Variants in ERC1 observed in about 807,000 individuals in gnomAD.
ERC1 encodes the protein ELKS/RAB6-interacting/CAST family member 1, also known as RAB6 interacting protein 2.
ERC1 carries 56 observed loss-of-function variants against 132.0 expected under a neutral mutation model. The ratio of observed to expected loss-of-function variants is 0.42; its 90% CI spans 0.34 to 0.53. The LOEUF (loss-of-function observed/expected upper bound fraction) is 0.53, where lower values mean the gene tolerates loss of function less well. Ranked by LOEUF, ERC1 falls within the 20% of genes least tolerant of loss-of-function variation. ERC1 has a pLI of 0.03. For synonymous variants in ERC1, 478 were observed against 476.1 expected, an observed-to-expected ratio of 1.00 and a Z score of -0.05; for missense variants, 1,202 against 1,349.9, an observed-to-expected ratio of 0.89 and a Z score of 1.72.
At chr12:1,052,136 G>C (rs1972129638) in intron 2 of ERC1, among the ~76,000 whole-genome samples, 2 of 152,200 alleles carry the variant, frequency 1.3e-5, no homozygotes, top group Admixed American at 1.3e-4. Context: ...AGATTGCTGG[G>C]ACTCATCCTC....
At chr12:1,073,765 A>G (rs913560103) in intron 2 of ERC1, among the ~76,000 whole-genome samples, 10 of 152,250 alleles carry the variant, frequency 6.6e-5, no homozygotes, top group Non-Finnish European at 1.5e-4. Context: ...ACACTTTTAT[A>G]TGACTGTCAA....
chr12:1,205,629 A>G (rs1957292259), intron 12 of ERC1, among the ~76,000 whole-genome samples: 1 of 152,138 alleles, frequency 6.6e-6, no homozygotes, highest in Non-Finnish European at 1.5e-5. Context: ...TAGCAAACAC[A>G]AATACTGCAT....
chr12:1,275,061 AC>A (rs2078168484), intron 14 of ERC1, among the ~76,000 whole-genome samples: 1 of 152,200 alleles, frequency 6.6e-6, no homozygotes, highest in Admixed American at 6.5e-5. Context: ...GTGGCATGAA[AC>A]TGGAGAGGTA....
chr12:1,370,518 TG>T (rs1168273116), intron 15 of ERC1, among the ~76,000 whole-genome samples: 1 of 152,240 alleles, frequency 6.6e-6, no homozygotes, highest in Non-Finnish European at 1.5e-5. Flanking sequence ...ATGTCTTCAG[TG>T]TCAGTAATGC....
chr12:1,407,605 A>G (rs2091586221), intron 16 of ERC1, among the ~76,000 whole-genome samples: 1 of 152,026 alleles, frequency 6.6e-6, no homozygotes, highest in Non-Finnish European at 1.5e-5. Flanking sequence ...AAATTTCTGT[A>G]TCAATTTAAT....
At chr12:1,290,539 A>G (rs2079372245) in intron 15 of ERC1, among the ~76,000 whole-genome samples, 1 of 152,144 alleles carries the variant, frequency 6.6e-6, no homozygotes, top group South Asian at 2.1e-4. Flanking sequence ...CTTCCCCCAC[A>G]TTTTGTAGGT....
intron 2 of ERC1, among the ~76,000 whole-genome samples, chr12:1,072,449 A>G (rs911811680): frequency 6.7e-6 from 1 of 148,768 alleles, no homozygotes; most frequent in African/African-American, 2.4e-5. Flanking sequence ...TAATTTCTCA[A>G]AAATTTTCTT....
intron 18 of ERC1, among the ~76,000 whole-genome samples, chr12:1,447,773 C>A (rs1445613166): frequency 6.6e-6 from 1 of 151,920 alleles, no homozygotes; most frequent in African/African-American, 2.4e-5. Flanking sequence ...CCTCAGCCTC[C>A]CGAACAGTTG....
chr12:1,276,800 G>T (rs2078306082), intron 14 of ERC1, among the ~76,000 whole-genome samples: 1 of 152,110 alleles, frequency 6.6e-6, no homozygotes, highest in South Asian at 2.1e-4. Flanking sequence ...ATTTTGTCCT[G>T]ACTTAATGTT....
chr12:1,344,340 C>G (rs1174120851), intron 15 of ERC1, among the ~76,000 whole-genome samples: 1 of 151,984 alleles, frequency 6.6e-6, no homozygotes, highest in Non-Finnish European at 1.5e-5. Flanking sequence ...GCAGTAGATT[C>G]CGTCAGCATC....
At chr12:1,370,589 A>T (rs1253189802) in intron 15 of ERC1, among the ~76,000 whole-genome samples, 1 of 152,280 alleles carries the variant, frequency 6.6e-6, no homozygotes, top group Non-Finnish European at 1.5e-5. Context: ...TGGATAAAGT[A>T]TGTAAGTTAC....
intron 11 of ERC1, among the ~76,000 whole-genome samples, chr12:1,187,204 A>T (rs1166681263): frequency 6.6e-6 from 1 of 152,094 alleles, no homozygotes; most frequent in Non-Finnish European, 1.5e-5. Context: ...AGTTTGTATT[A>T]TAATTTATAA....
intron 18 of ERC1, among the ~76,000 whole-genome samples, chr12:1,457,355 A>G (rs758835351): frequency 6.6e-6 from 1 of 152,118 alleles, no homozygotes; most frequent in Admixed American, 6.5e-5. Flanking sequence ...TTCCTCCCTC[A>G]TGGGTCCTCA....
At chr12:1,167,039 C>T (rs937042815) in intron 8 of ERC1, among the ~76,000 whole-genome samples, 5 of 152,108 alleles carry the variant, frequency 3.3e-5, no homozygotes, top group Non-Finnish European at 4.4e-5. Context: ...GTTGTTAATA[C>T]GCCACATTAA....
chr12:1,144,695 T>C (rs938143649), intron 8 of ERC1, among the ~76,000 whole-genome samples: 2 of 150,810 alleles, frequency 1.3e-5, no homozygotes, highest in African/African-American at 2.4e-5. Context: ...CACTTGTTGA[T>C]TGGTGGGCAT....
chr12:1,428,575 A>G (rs986467367), intron 17 of ERC1, among the ~76,000 whole-genome samples: 1 of 152,110 alleles, frequency 6.6e-6, no homozygotes, highest in Non-Finnish European at 1.5e-5. Flanking sequence ...CCAGTTTTGG[A>G]AGACAGGCCT....
At chr12:1,485,417 C>G (rs184586146) in intron 18 of ERC1, among the ~76,000 whole-genome samples, 13 of 151,964 alleles carry the variant, frequency 8.6e-5, no homozygotes, top group African/African-American at 2.9e-4. Context: ...ATTGGCCAGG[C>G]TGGTCTTGAA....
At chr12:1,280,061 G>C (rs2078572007) in intron 14 of ERC1, among the ~76,000 whole-genome samples, 1 of 152,124 alleles carries the variant, frequency 6.6e-6, no homozygotes. Context: ...AAGCACTCTT[G>C]GAGTCTATGT....
intron 8 of ERC1, among the ~76,000 whole-genome samples, chr12:1,169,798 C>G (rs187209528): frequency 6.3e-4 from 96 of 152,166 alleles, no homozygotes; most frequent in African/African-American, 2.2e-3. Flanking sequence ...TTATTTGTGT[C>G]TCTCAGTCTT....
Sources: allele counts gnomAD v4.1 joint callset (sites outside exome capture counted in the v4.1 genomes callset), GRCh38; gene constraint gnomAD v4.1.1; transcripts MANE v1.5; gene names NCBI Gene and HGNC (gene_info 2026-07-23, HGNC 2026-07-21).